The following GNAI2 variants were observed in gnomAD, a reference collection of about 807,000 sequenced individuals.
GNAI2 encodes guanine nucleotide-binding protein G(i) subunit alpha-2.
Under a neutral mutation model 36.8 loss-of-function variants are expected in GNAI2, and 4 were observed. The ratio of observed to expected loss-of-function variants is 0.11; its 90% CI spans 0.05 to 0.25. GNAI2 has a LOEUF of 0.25. GNAI2 is among the 10% of genes least tolerant of loss of function. GNAI2 has a pLI of 1.00. For missense variants in GNAI2, 230 were observed against 481.3 expected (o/e 0.48, Z 4.89); for synonymous variants, 194 against 194.1 (o/e 1.00, Z 0.01).
chr3:50,253,608 G>T lies in GNAI2; in HGVS notation c.464+424G>T, dbSNP rs1293811573. Among the ~76,000 whole-genome samples the T allele has an allele frequency of 6.6e-6, 1 of 152,222 alleles. No individual in the cohort carries two copies. The highest frequency in any genetic ancestry group is 1.5e-5 in the Non-Finnish European group (1 of 68,040). ...AAATACAAAAAATTAGCCGGGCGTG[G>T]TGGAGGGCGCCTGTAGTCCCAGCTA... On this transcript the variant is annotated intron_variant, in intron 4 of 8. Coordinates refer to ENST00000313601, the MANE Select transcript of GNAI2 (RefSeq NM_002070.4). This position sits in a 1 kb window ranked among gnomAD's most constrained non-coding sequence, Gnocchi z 4.2.
At position 50,236,456 on chromosome 3, in the gene GNAI2, G is replaced by C; in HGVS notation, c.118+3G>C. 6.3e-7 allele frequency: 1 copy of C among 1,574,908 alleles called. No homozygotes were observed. Among genetic ancestry groups the C allele is most frequent in the Non-Finnish European group, 8.6e-7 (1 of 1,163,982 alleles). The stretch of plus-strand genomic sequence containing the variant: ...GGAGGTGAAGTTGCTGCTGTTGGGT[G>C]AGGCCGCGTCCCGCACTGGGATCCT... On this transcript the variant is annotated splice_donor_region_variant and intron_variant, in intron 1 of 8. Transcript: ENST00000313601. The surrounding 1 kb of genome is among the most constrained non-coding windows in gnomAD (Gnocchi z 4.0).
upstream of GNAI2, among the ~76,000 whole-genome samples, chr3:50,228,387 A>G (rs1264279648): frequency 2.6e-5 from 4 of 152,054 alleles, no homozygotes; most frequent in African/African-American, 9.7e-5. Flanking sequence ...CCCCGTCTCT[A>G]CCAAAAATAC....
Position 50,258,687 on chromosome 3 carries a change from T to C in GNAI2, c.*344T>C. 2.9e-6 allele frequency: 1 copy of C among 349,706 alleles called. No homozygotes were observed. Among genetic ancestry groups the C allele is most frequent in the Non-Finnish European group, 5.5e-6 (1 of 180,392 alleles). 21.7% of individuals were successfully genotyped at this position (349,706 alleles called of 1,614,324 possible). On this transcript the variant is annotated 3_prime_UTR_variant, in exon 9 of 9. Transcript: ENST00000313601. ...AGGCTGCGTCTGGAGGGGCCCCTGC[T>C]TCTCCAGCCTGGACCCCCAGCTTTG...
At chr3:50,254,252 C>T (rs182031629) in intron 4 of GNAI2, among the ~76,000 whole-genome samples, 85 of 152,240 alleles carry the variant, frequency 5.6e-4, no homozygotes, top group Non-Finnish European at 1.0e-3. Flanking sequence ...GGCTAATAGC[C>T]ATTGAGGATG....
Position 50,252,164 on chromosome 3 carries a change from C to G in GNAI2, c.161+22C>G, listed in dbSNP as rs375423125. On this transcript the variant is annotated intron_variant, in intron 2 of 8. Transcript: ENST00000313601. The surrounding 1 kb of genome is among the most constrained non-coding windows in gnomAD (Gnocchi z 4.1). ...TGAAGTAAGTGCTGTATTCCAGAGGCAGTGCTCAAACTCCAGCTTCCCCTC... is the reference window on the plus strand; with the variant it reads ...TGAAGTAAGTGCTGTATTCCAGAGGGAGTGCTCAAACTCCAGCTTCCCCTC... 3 of 1,609,994 alleles carry G rather than the reference C, an allele frequency of 1.9e-6. No individual in the cohort carries two copies. The highest frequency in any genetic ancestry group is 2.2e-5 in the East Asian group (1 of 44,862).
At chr3:50,256,452 C>T in intron 5 of GNAI2, 132 bp downstream of exon 5, 1 of 846,540 alleles carries the variant, frequency 1.2e-6, no homozygotes, top group Non-Finnish European at 2.0e-6. Context: ...GCAAGCACAT[C>T]CTCACCACCT....
rs1436991729 is a variant in GNAI2 at position 50,252,951 on chromosome 3, C to T, written c.304-73C>T. 7.0e-6 allele frequency: 9 copies of T among 1,281,060 alleles called. No individual in the cohort carries two copies. Among genetic ancestry groups the T allele is most frequent in the South Asian group, 6.8e-5 (5 of 73,330 alleles). The allele number at this position is 1,281,060 out of a possible 1,614,324, so 79.4% of individuals were successfully genotyped here. A position where few individuals can be genotyped will look rare whatever the true frequency, so the allele number is the denominator to read the frequency against. ...GAATACCCTAGCCTGGGCCCCATTC[C>T]AGAGGTCTCCCTGCCTCTGGCAGAG... On this transcript the variant is annotated intron_variant, in intron 3 of 8. Transcript: ENST00000313601. This position sits in a 1 kb window ranked among gnomAD's most constrained non-coding sequence, Gnocchi z 4.1.
At chr3:50,232,202 C>T (rs587684659), upstream of GNAI2, among the ~76,000 whole-genome samples, 72 of 151,998 alleles carry the variant, frequency 4.7e-4, no homozygotes, top group Admixed American at 1.4e-3. Flanking sequence ...TGGTGGCAGG[C>T]GCCTGTAATC....
chr3:50,236,119 G>A (rs2109179299), upstream of GNAI2: 2 of 1,038,280 alleles, frequency 1.9e-6, no homozygotes, highest in East Asian at 9.0e-5. The surrounding 1 kb of genome is among the most constrained non-coding windows in gnomAD (Gnocchi z 4.0). Flanking sequence ...GCCCGCCCCG[G>A]CCCAGTCACA....
rs1341920384 is a variant in GNAI2 at position 50,255,868 on chromosome 3, T to C, written c.465-324T>C. Among the ~76,000 whole-genome samples the C allele has an allele frequency of 2.0e-5, 3 of 151,668 alleles. No homozygotes were observed. Among genetic ancestry groups the C allele is most frequent in the Non-Finnish European group, 4.4e-5 (3 of 67,892 alleles). ...GAGGTCAAGACCATCCTGGCCAACATGGTGAAACCCCGTCTCTACTAAAAA... is the reference window on the plus strand; with the variant it reads ...GAGGTCAAGACCATCCTGGCCAACACGGTGAAACCCCGTCTCTACTAAAAA... On this transcript the variant is annotated intron_variant, in intron 4 of 8. Coordinates refer to ENST00000313601, the MANE Select transcript of GNAI2 (RefSeq NM_002070.4). This position sits in a 1 kb window ranked among gnomAD's most constrained non-coding sequence, Gnocchi z 4.0.
chr3:50,253,284 C>CCTG lies in GNAI2; in HGVS notation c.464+100_464+101insCTG. ...GAACCCCCAGAAGGACACTGCTGGTCTTTGCTTATGAAACCGATGACTGTT... is the reference window on the plus strand; with the variant it reads ...GAACCCCCAGAAGGACACTGCTGGTCCTGTTTGCTTATGAAACCGATGACTGTT... On this transcript the variant is annotated intron_variant, in intron 4 of 8. Coordinates refer to ENST00000313601, the MANE Select transcript of GNAI2 (RefSeq NM_002070.4). The surrounding 1 kb of genome is among the most constrained non-coding windows in gnomAD (Gnocchi z 4.2). 1.3e-6 allele frequency: 1 copy of CCTG among 767,240 alleles called. No homozygotes were observed. The highest frequency in any genetic ancestry group is 1.9e-6 in the Non-Finnish European group (1 of 521,694). The allele number at this position is 767,240 out of a possible 1,614,324, so 47.5% of individuals were successfully genotyped here.
intron 1 of GNAI2, among the ~76,000 whole-genome samples, chr3:50,245,319 G>C (rs1438630123): frequency 6.6e-6 from 1 of 152,198 alleles, no homozygotes; most frequent in Non-Finnish European, 1.5e-5. Context: ...TCTTAGCATG[G>C]TCTCCTGGCC....
Position 50,236,322 on chromosome 3 carries a change from C to T in GNAI2, c.-14C>T, listed in dbSNP as rs1301178149. On this transcript the variant is annotated 5_prime_UTR_variant, in exon 1 of 9. Coordinates refer to ENST00000313601, the MANE Select transcript of GNAI2 (RefSeq NM_002070.4). The surrounding 1 kb of genome is among the most constrained non-coding windows in gnomAD (Gnocchi z 4.0). ...TGTGGGGGCCGGGCGGCGGCCGGGC[C>T]GGCGGACGGCGGGATGGGCTGCACC... is the stretch of plus-strand genomic sequence containing the variant. 5 of 1,388,486 alleles carry T rather than the reference C, an allele frequency of 3.6e-6. No individual in the cohort carries two copies. Among genetic ancestry groups the T allele is most frequent in the African/African-American group, 3.1e-5 (2 of 65,398 alleles). The allele number at this position is 1,388,486 out of a possible 1,614,324, so 86.0% of individuals were successfully genotyped here.
At chr3:50,251,927 C>T (rs1700567349) in intron 1 of GNAI2, 173 bp from the exon 2 acceptor site, 2 of 882,616 alleles carry the variant, frequency 2.3e-6, no homozygotes, top group African/African-American at 1.7e-5. Flanking sequence ...GTGGCCCTGC[C>T]AGCTGCATTC....
Position 50,256,784 on chromosome 3 carries a change from G to A in GNAI2, c.655G>A (p.Val219Ile), listed in dbSNP as rs782631757. The change falls in exon 6 of 9, where the codon GTC becomes ATC. Residue 219 changes from valine to isoleucine, a missense_variant. This residue lies in a region of GNAI2 where 30 missense variants were observed against 128.7 expected (regional missense o/e 0.23). Coordinates refer to ENST00000313601, the MANE Select transcript of GNAI2 (RefSeq NM_002070.4). Reference sequence around the variant, plus strand: ...GAAGTGGATCCACTGCTTTGAGGGCGTCACAGCCATCATCTTCTGCGTAGC... The same window carrying A: ...GAAGTGGATCCACTGCTTTGAGGGCATCACAGCCATCATCTTCTGCGTAGC... ...RKKWIHCFEGVTAIIFCVALS... is the reference protein window; with the variant it reads ...RKKWIHCFEGITAIIFCVALS... The A allele has an allele frequency of 7.4e-6, 12 of 1,613,894 alleles. No homozygotes were observed. Among genetic ancestry groups the A allele is most frequent in the South Asian group, 2.2e-5 (2 of 91,090 alleles).
At chr3:50,251,480 G>A (rs1291421228) in intron 1 of GNAI2, 64 of 1,081,358 alleles carry the variant, frequency 5.9e-5, no homozygotes, top group East Asian at 9.5e-5. Flanking sequence ...GTCAGTACGC[G>A]TGTGTGTTAC....
upstream of GNAI2, among the ~76,000 whole-genome samples, chr3:50,234,498 C>T (rs1177092454): frequency 2.0e-5 from 3 of 151,998 alleles, no homozygotes; most frequent in African/African-American, 7.3e-5. Flanking sequence ...ATTACATGTG[C>T]CCACCACCAC....
chr3:50,247,950 T>C (rs1269690668), intron 1 of GNAI2, among the ~76,000 whole-genome samples: 1 of 152,238 alleles, frequency 6.6e-6, no homozygotes, highest in Admixed American at 6.5e-5. Flanking sequence ...AAATCTGGAC[T>C]CAGGCTGGAC....
At position 50,236,778 on chromosome 3, in the gene GNAI2, A is replaced by G. The variant is rs1553700453; in HGVS notation, c.118+325A>G. ...CTTCAGAGCCCCGCCATCCTTCCCT[A>G]CACTTTGCCCAAACCCCCAGGATGC... On this transcript the variant is annotated intron_variant, in intron 1 of 8. Transcript: ENST00000313601. This position sits in a 1 kb window ranked among gnomAD's most constrained non-coding sequence, Gnocchi z 4.0. Among the ~76,000 whole-genome samples, 1 of 151,618 alleles carries G rather than the reference A, an allele frequency of 6.6e-6. No homozygotes were observed. Among genetic ancestry groups the G allele is most frequent in the South Asian group, 2.1e-4 (1 of 4,796 alleles).
Sources: allele counts gnomAD v4.1 joint callset (sites outside exome capture counted in the v4.1 genomes callset), GRCh38; gene constraint gnomAD v4.1.1; regional missense constraint gnomAD v4.1.1; non-coding constraint Gnocchi (gnomAD v3.1); transcripts MANE v1.5; gene names NCBI Gene and HGNC (gene_info 2026-07-23, HGNC 2026-07-21).